The following COL25A1 variants were observed in gnomAD, a reference collection of about 807,000 sequenced individuals.
COL25A1 encodes collagen alpha-1(XXV) chain.
A neutral mutation model predicts 128.4 loss-of-function variants in COL25A1; 103 were observed. That is an observed-to-expected ratio of 0.80 (90% confidence interval 0.68 to 0.94). COL25A1 has a LOEUF of 0.94. Among genes scored for constraint, COL25A1 ranks in the 40% least tolerant of loss-of-function variants. The pLI is 0.00. For missense variants in COL25A1, 745 were observed against 840.0 expected (o/e 0.89, Z 1.40); for synonymous variants, 279 against 277.2 (o/e 1.01, Z -0.06).
intron 6 of COL25A1, among the ~76,000 whole-genome samples, chr4:108,983,108 G>A (rs1467305035): frequency 6.6e-6 from 1 of 152,096 alleles, no homozygotes; most frequent in Non-Finnish European, 1.5e-5. Flanking sequence ...CAATCAAAAC[G>A]AAGGGAACCC....
intron 5 of COL25A1, among the ~76,000 whole-genome samples, chr4:109,043,061 T>G (rs1760072693): frequency 3.9e-5 from 6 of 152,032 alleles, no homozygotes. Context: ...ATTTCAGTTC[T>G]GTCTCCTGCT....
At position 109,020,512 on chromosome 4, in the gene COL25A1, G is replaced by A. The variant is rs972843652; in HGVS notation, c.421-10137C>T. Among the ~76,000 whole-genome samples, 24 of 139,652 alleles carry A rather than the reference G, an allele frequency of 1.7e-4. No homozygotes were observed. The South Asian group carries it at 3.2e-3, about 18-fold the overall frequency. 91.6% of individuals were successfully genotyped at this position (139,652 alleles called of 152,430 possible). A position where few individuals can be genotyped will look rare whatever the true frequency, so the allele number is the denominator to read the frequency against. ...ATGAGCATGGAGATTATTATGGGGG[G>A]GGGGGGGTTCAACATAAAAAACAAG... On this transcript the variant is annotated intron_variant, in intron 5 of 37. Coordinates refer to ENST00000399132, the MANE Select transcript of COL25A1 (RefSeq NM_198721.4).
intron 27 of COL25A1, among the ~76,000 whole-genome samples, chr4:108,848,537 A>T (rs866559030): frequency 6.6e-6 from 1 of 152,288 alleles, no homozygotes. Context: ...TGGTAGGTTG[A>T]TATAAAGTAT....
chr4:108,896,608 A>G (rs1742183173), intron 16 of COL25A1, 59 bp downstream of exon 16: 10 of 1,444,070 alleles, frequency 6.9e-6, no homozygotes, highest in Non-Finnish European at 9.7e-6. Flanking sequence ...CCATCTTCAT[A>G]AACTTGAAGT....
At chr4:109,065,116 G>A (rs894505839) in intron 3 of COL25A1, among the ~76,000 whole-genome samples, 11 of 152,190 alleles carry the variant, frequency 7.2e-5, no homozygotes, top group African/African-American at 1.9e-4. Context: ...GGACTGGACT[G>A]ATGGCTACAG....
chr4:108,886,492 G>GTGTGTGTGTGTGTT lies in COL25A1; in HGVS notation c.976-2271_976-2270insAACACACACACACA, dbSNP rs58157157. On this transcript the variant is annotated intron_variant, in intron 18 of 37. Coordinates refer to ENST00000399132, the MANE Select transcript of COL25A1 (RefSeq NM_198721.4). Reference sequence around the variant, plus strand: ...TGTGTGTGTGTGTGTGTGTGTGTGTGTTTAGCTCATCAGCTATTTTATGTG... The same window carrying GTGTGTGTGTGTGTT: ...TGTGTGTGTGTGTGTGTGTGTGTGTGTGTGTGTGTGTGTTTTTAGCTCATCAGCTATTTTATGTG... 5.1e-4 allele frequency among the ~76,000 whole-genome samples: 56 copies of GTGTGTGTGTGTGTT among 109,272 alleles called. 5 individuals are homozygous for GTGTGTGTGTGTGTT. In the East Asian group the frequency reaches 5.4e-3, roughly 11 times the overall value. 71.7% of individuals were successfully genotyped at this position (109,272 alleles called of 152,430 possible). A position where few individuals can be genotyped will look rare whatever the true frequency, so the allele number is the denominator to read the frequency against.
chr4:109,299,550 T>A (rs1221239189), intron 3 of COL25A1, among the ~76,000 whole-genome samples: 1 of 152,026 alleles, frequency 6.6e-6, no homozygotes, highest in Non-Finnish European at 1.5e-5. Flanking sequence ...CCAAAACAAG[T>A]TATCATGAGG....
At chr4:109,036,248 ATT>A (rs147685063) in intron 5 of COL25A1, among the ~76,000 whole-genome samples, 1 of 151,642 alleles carries the variant, frequency 6.6e-6, no homozygotes, top group Admixed American at 6.6e-5. Context: ...TTTAAAAAGG[ATT>A]TTTTTTTCCC....
At chr4:109,124,553 A>G (rs1768408455) in intron 3 of COL25A1, among the ~76,000 whole-genome samples, 1 of 152,012 alleles carries the variant, frequency 6.6e-6, no homozygotes, top group Admixed American at 6.6e-5. Flanking sequence ...TTTTTTTTCC[A>G]GCTTCTAATC....
intron 3 of COL25A1, among the ~76,000 whole-genome samples, chr4:109,193,987 A>C (rs1453420508): frequency 6.6e-6 from 1 of 152,348 alleles, no homozygotes; most frequent in East Asian, 1.9e-4. Context: ...TTGATGAGCA[A>C]GGTCTTTGAC....
chr4:108,989,411 T>A (rs35576173), intron 6 of COL25A1, among the ~76,000 whole-genome samples: 10,582 of 152,180 alleles, frequency 0.07, 422 homozygotes, highest in Non-Finnish European at 0.088. Flanking sequence ...ACGTAAGAAG[T>A]TTCAAGGAAG....
At chr4:108,875,147 A>G (rs1317876028) in intron 19 of COL25A1, among the ~76,000 whole-genome samples, 2 of 152,210 alleles carry the variant, frequency 1.3e-5, no homozygotes, top group African/African-American at 4.8e-5. Context: ...TGCCTAACTC[A>G]TGGGCAAGGA....
intron 3 of COL25A1, among the ~76,000 whole-genome samples, chr4:109,278,211 G>T (rs1723035620): frequency 6.6e-6 from 1 of 151,884 alleles, no homozygotes; most frequent in South Asian, 2.1e-4. Flanking sequence ...CCTCTCTACA[G>T]CACAGAAATA....
chr4:109,175,632 T>C lies in COL25A1; in HGVS notation c.367+124951A>G, dbSNP rs767043709. ...TAAAACATGAGATTTTATTTATCCA[T>C]CTTTCCCAAAAATTTAATTTTTAGG... On this transcript the variant is annotated intron_variant, in intron 3 of 37. Coordinates refer to ENST00000399132, the MANE Select transcript of COL25A1 (RefSeq NM_198721.4). 1.4e-3 allele frequency among the ~76,000 whole-genome samples: 207 copies of C among 152,344 alleles called. 2 individuals are homozygous for C. The highest frequency in any genetic ancestry group is 4.6e-4 in the Non-Finnish European group (31 of 68,030).
chr4:109,062,587 A>C (rs1762078687), intron 3 of COL25A1, among the ~76,000 whole-genome samples: 3 of 152,114 alleles, frequency 2.0e-5, no homozygotes. Context: ...AGCTTTGTGT[A>C]AAATATATTC....
At position 108,845,250 on chromosome 4, in the gene COL25A1, C is replaced by T; in HGVS notation, c.1517G>A (p.Gly506Glu). 1 of 1,613,092 alleles carries T rather than the reference C, an allele frequency of 6.2e-7. No homozygotes were observed. The highest frequency in any genetic ancestry group is 8.5e-7 in the Non-Finnish European group (1 of 1,179,084). ...TTTTTCTCCTTTCATTCCATTGGCTCCCTATAAATAACCATTAAGCAGAGT... is the reference window on the plus strand; with the variant it reads ...TTTTTCTCCTTTCATTCCATTGGCTTCCTATAAATAACCATTAAGCAGAGT... The part of the protein sequence containing the change: ...KGGIGLPGLP[G>E]ANGMKGEKGD... Residue 506 changes from glycine (G) to glutamate (E), a missense_variant and splice_region_variant, in exon 29 of 38, where the codon GGA becomes GAA. Coordinates refer to ENST00000399132, the MANE Select transcript of COL25A1 (RefSeq NM_198721.4).
At chr4:109,119,934 C>T (rs994916230) in intron 3 of COL25A1, among the ~76,000 whole-genome samples, 4 of 151,952 alleles carry the variant, frequency 2.6e-5, no homozygotes, top group Non-Finnish European at 5.9e-5. Context: ...TAATGATACA[C>T]CAAAACCAAC....
intron 3 of COL25A1, among the ~76,000 whole-genome samples, chr4:109,051,602 T>C (rs1760991480): frequency 8.3e-6 from 1 of 120,764 alleles, no homozygotes; most frequent in Non-Finnish European, 1.7e-5. Context: ...TTAATACATC[T>C]GTTCAAACAC....
chr4:109,245,323 A>C (rs1249921391), intron 3 of COL25A1, among the ~76,000 whole-genome samples: 2 of 152,182 alleles, frequency 1.3e-5, no homozygotes, highest in Non-Finnish European at 2.9e-5. Flanking sequence ...GGACTGGTAT[A>C]CAGGAGGTAA....
Sources: allele counts gnomAD v4.1 joint callset (sites outside exome capture counted in the v4.1 genomes callset), GRCh38; gene constraint gnomAD v4.1.1; transcripts MANE v1.5; gene names NCBI Gene and HGNC (gene_info 2026-07-23, HGNC 2026-07-21).